The following PRKAR2B variants were observed in gnomAD, a reference collection of about 807,000 sequenced individuals.
The protein encoded by PRKAR2B is protein kinase cAMP-dependent type II regulatory subunit beta.
A neutral mutation model predicts 49.9 loss-of-function variants in PRKAR2B; 14 were observed. That is an observed-to-expected ratio of 0.28 (90% CI 0.19 to 0.44). PRKAR2B has a LOEUF of 0.44. Ranked by LOEUF, PRKAR2B falls within the 20% of genes least tolerant of loss-of-function variation. PRKAR2B has a pLI of 1.00. For synonymous variants in PRKAR2B, 196 were observed against 197.7 expected, an observed-to-expected ratio of 0.99 and a Z score of 0.07; for missense variants, 393 against 537.9, an observed-to-expected ratio of 0.73 and a Z score of 2.67.
chr7:107,148,248 A>C (rs1482988057), intron 6 of PRKAR2B, among the ~76,000 whole-genome samples: 11 of 152,220 alleles, frequency 7.2e-5, no homozygotes, highest in Admixed American at 7.2e-4. Flanking sequence ...TTTCAAATGT[A>C]GTCATTCCAA....
At chr7:107,046,026 G>A (rs577639177) in intron 1 of PRKAR2B, among the ~76,000 whole-genome samples, 2 of 152,200 alleles carry the variant, frequency 1.3e-5, no homozygotes, top group Admixed American at 6.5e-5. Context: ...GTGAGTAATT[G>A]TAAGGATTGT....
At chr7:107,154,597 A>C (rs1486313861) in intron 8 of PRKAR2B, among the ~76,000 whole-genome samples, 1 of 152,200 alleles carries the variant, frequency 6.6e-6, no homozygotes, top group Non-Finnish European at 1.5e-5. Context: ...ATACATATAC[A>C]CCCTATATTC....
chr7:107,048,317 C>A (rs1049861793), intron 1 of PRKAR2B, among the ~76,000 whole-genome samples: 1 of 152,172 alleles, frequency 6.6e-6, no homozygotes, highest in Non-Finnish European at 1.5e-5. Context: ...TCTTATGTAT[C>A]TAACCTTGAA....
At chr7:107,102,654 A>G (rs746600317) in intron 2 of PRKAR2B, among the ~76,000 whole-genome samples, 3 of 152,136 alleles carry the variant, frequency 2.0e-5, no homozygotes, top group Non-Finnish European at 2.9e-5. Context: ...GAATATATTT[A>G]TAAAGGAAGA....
rs1794120542 is a variant in PRKAR2B at position 107,065,437 on chromosome 7, G to A, written c.308-4844G>A. On this transcript the variant is annotated intron_variant, in intron 1 of 10. Transcript: ENST00000265717. Reference sequence around the variant, plus strand: ...TCTTTAACTTGGAGTTTCCCTCCCAGGAGTATGCTCAGAGATGCAAACTGT... The same window carrying A: ...TCTTTAACTTGGAGTTTCCCTCCCAAGAGTATGCTCAGAGATGCAAACTGT... Among the ~76,000 whole-genome samples the A allele has an allele frequency of 2.0e-5, 3 of 151,404 alleles. No homozygotes were observed. The South Asian group carries it at 6.3e-4, about 32-fold the overall frequency.
intron 5 of PRKAR2B, among the ~76,000 whole-genome samples, chr7:107,145,977 G>T (rs1402878608): frequency 6.6e-6 from 1 of 152,042 alleles, no homozygotes; most frequent in Admixed American, 6.6e-5. Context: ...CTAACCTCAG[G>T]TGATCCACCC....
intron 1 of PRKAR2B, among the ~76,000 whole-genome samples, chr7:107,059,138 A>G (rs1793976112): frequency 6.6e-6 from 1 of 152,188 alleles, no homozygotes; most frequent in Non-Finnish European, 1.5e-5. Flanking sequence ...AAATACAAAA[A>G]TTAGCCGGAT....
intron 10 of PRKAR2B, among the ~76,000 whole-genome samples, chr7:107,158,150 G>T (rs1338817179): frequency 6.6e-6 from 1 of 152,076 alleles, no homozygotes; most frequent in Non-Finnish European, 1.5e-5. Context: ...ATTTCCCTAA[G>T]TAGGGCTATT....
chr7:107,086,038 T>A (rs1794612820), intron 2 of PRKAR2B, among the ~76,000 whole-genome samples: 1 of 152,220 alleles, frequency 6.6e-6, no homozygotes, highest in South Asian at 2.1e-4. Flanking sequence ...TGTAAAACAC[T>A]TGATATTACA....
intron 3 of PRKAR2B, among the ~76,000 whole-genome samples, chr7:107,126,087 TAAAAAAAAAAAA>T (rs34333619): frequency 1.2e-5 from 1 of 82,258 alleles, no homozygotes; most frequent in Non-Finnish European, 2.3e-5. Context: ...GACTGTGTCT[TAAAAAAAAAAAA>T]AAAAAAAAAA....
chr7:107,095,409 C>T (rs1439472505), intron 2 of PRKAR2B, among the ~76,000 whole-genome samples: 2 of 152,212 alleles, frequency 1.3e-5, no homozygotes, highest in Non-Finnish European at 2.9e-5. Context: ...TGGGCTGAGA[C>T]GATGTGGTTT....
chr7:107,045,410 C>G (rs1222744210), intron 1 of PRKAR2B, among the ~76,000 whole-genome samples, 196 bp downstream of exon 1: 2 of 152,184 alleles, frequency 1.3e-5, no homozygotes, highest in Non-Finnish European at 2.9e-5. Flanking sequence ...CTACTCCGCT[C>G]TCTGTCATAC....
At chr7:107,143,578 A>G (rs1795828351) in intron 5 of PRKAR2B, among the ~76,000 whole-genome samples, 1 of 152,132 alleles carries the variant, frequency 6.6e-6, no homozygotes, top group Non-Finnish European at 1.5e-5. Flanking sequence ...CTTATTTTTT[A>G]CTGTTAAGTA....
chr7:107,146,310 G>A lies in PRKAR2B; in HGVS notation c.590G>A (p.Gly197Asp). Residue 197 changes from glycine to aspartate, a missense_variant and splice_region_variant, in exon 6 of 11, where the codon GGC (glycine) becomes GAC (aspartate). Gly to Asp is a moderately conservative substitution (Grantham distance 94, BLOSUM62 -1). This residue lies in a region of PRKAR2B where 233 missense variants were observed against 390.4 expected (regional missense o/e 0.60). Transcript: ENST00000265717. ...DGDNFYVIDR[G>D]TFDIYVKCDG... is the part of the protein sequence containing the mutation. ...TCCAATCTACATATGTCCAACAGAGGCACATTTGATATTTATGTGAAATGT... is the reference window on the plus strand; with the variant it reads ...TCCAATCTACATATGTCCAACAGAGACACATTTGATATTTATGTGAAATGT... 6.2e-7 allele frequency: 1 copy of A among 1,613,444 alleles called. No individual in the cohort carries two copies. Among genetic ancestry groups the A allele is most frequent in the Non-Finnish European group, 8.5e-7 (1 of 1,179,612 alleles).
At chr7:107,093,308 G>A (rs1247550680) in intron 2 of PRKAR2B, among the ~76,000 whole-genome samples, 1 of 152,066 alleles carries the variant, frequency 6.6e-6, no homozygotes, top group Non-Finnish European at 1.5e-5. Context: ...GTTTTCCATG[G>A]TGCTGCACCA....
At chr7:107,096,303 A>G (rs1344281083) in intron 2 of PRKAR2B, among the ~76,000 whole-genome samples, 1 of 152,154 alleles carries the variant, frequency 6.6e-6, no homozygotes, top group Non-Finnish European at 1.5e-5. Flanking sequence ...AGGTGTTTAT[A>G]GTATTCTCTG....
chr7:107,101,287 A>G (rs1404521482), intron 2 of PRKAR2B, among the ~76,000 whole-genome samples: 1 of 151,896 alleles, frequency 6.6e-6, no homozygotes, highest in African/African-American at 2.4e-5. Context: ...TATCTTCGTG[A>G]TGCAGTGACC....
At chr7:107,053,284 A>G (rs1325610865) in intron 1 of PRKAR2B, among the ~76,000 whole-genome samples, 1 of 152,334 alleles carries the variant, frequency 6.6e-6, no homozygotes, top group African/African-American at 2.4e-5. Context: ...ATATTGACTT[A>G]TATGTATGAT....
chr7:107,063,399 CT>C lies in PRKAR2B; in HGVS notation c.308-6880del, dbSNP rs147495786. Reference sequence around the variant, plus strand: ...TATTGTAGCCAGCAGTGTTCTAAGCCTTGGGGATACAGTAATGAAGCAGACA... The same window carrying C: ...TATTGTAGCCAGCAGTGTTCTAAGCCTGGGGATACAGTAATGAAGCAGACA... On this transcript the variant is annotated intron_variant, in intron 1 of 10. Coordinates refer to ENST00000265717, the MANE Select transcript of PRKAR2B (RefSeq NM_002736.3). 9.0e-3 allele frequency among the ~76,000 whole-genome samples: 1,370 copies of C among 152,250 alleles called. 62 individuals carry two copies. In the East Asian group the frequency reaches 0.13, roughly 15 times the overall value.
Sources: allele counts gnomAD v4.1 joint callset (sites outside exome capture counted in the v4.1 genomes callset), GRCh38; gene constraint gnomAD v4.1.1; regional missense constraint gnomAD v4.1.1; transcripts MANE v1.5; gene names NCBI Gene and HGNC (gene_info 2026-07-23, HGNC 2026-07-21).